Variants in AFDN observed in about 807,000 individuals in gnomAD.
AFDN encodes the protein afadin.
Under a neutral mutation model 216.6 loss-of-function variants are expected in AFDN, and 68 were observed. That is an observed-to-expected ratio of 0.31 (90% confidence interval 0.26 to 0.38). The LOEUF is 0.38. AFDN is among the 10% of genes least tolerant of loss of function. The probability of loss-of-function intolerance (pLI) is 1.00; values close to 1 mark genes in which losing one functional copy is unlikely to be tolerated. For missense variants in AFDN, 2,136 were observed against 2,342.0 expected, an observed-to-expected ratio of 0.91 and a Z score of 1.82; for synonymous variants, 868 against 853.7, an observed-to-expected ratio of 1.02 and a Z score of -0.29.
At chr6:167,848,143 G>A (rs950328211) in intron 1 of AFDN, among the ~76,000 whole-genome samples, 11 of 152,084 alleles carry the variant, frequency 7.2e-5, no homozygotes, top group African/African-American at 2.7e-4. Flanking sequence ...TCCCTAAATG[G>A]CAAGCTTTTT....
intron 1 of AFDN, among the ~76,000 whole-genome samples, chr6:167,856,393 C>T (rs1188600317): frequency 6.6e-6 from 1 of 151,784 alleles, no homozygotes; most frequent in African/African-American, 2.4e-5. Flanking sequence ...GGAACATGTT[C>T]CCTACAGATA....
chr6:167,914,838 A>G lies in AFDN; in HGVS notation c.2299+100A>G, dbSNP rs146144580. 1.3e-3 allele frequency: 1,057 copies of G among 797,820 alleles called. 10 individuals are homozygous for G. The African/African-American group carries it at 0.016, about 12-fold the overall frequency. The allele number at this position is 797,820 out of a possible 1,614,324, so 49.4% of individuals were successfully genotyped here. A position where few individuals can be genotyped will look rare whatever the true frequency, so the allele number is the denominator to read the frequency against. On this transcript the variant is annotated intron_variant, in intron 18 of 33. Coordinates refer to ENST00000683244, the MANE Select transcript of AFDN (RefSeq NM_001386888.1). ...GTAAGTGGAGGTGTTTTTAAAATAA[A>G]TGGGATGTCCTTTTGGGTTTGGCAA...
At chr6:167,844,036 TC>T (rs1781357970) in intron 1 of AFDN, among the ~76,000 whole-genome samples, 2 of 152,152 alleles carry the variant, frequency 1.3e-5, no homozygotes, top group African/African-American at 2.4e-5. Flanking sequence ...AAAATTTAGT[TC>T]GTGTTTTTTG....
At chr6:167,832,050 G>GT (rs1172167835) in intron 1 of AFDN, among the ~76,000 whole-genome samples, 2 of 152,302 alleles carry the variant, frequency 1.3e-5, no homozygotes, top group Non-Finnish European at 2.9e-5. Context: ...GATTTCTGCT[G>GT]TTGTTCAAAT....
chr6:167,881,541 G>C (rs1786111013), intron 6 of AFDN, among the ~76,000 whole-genome samples: 1 of 152,168 alleles, frequency 6.6e-6, no homozygotes, highest in South Asian at 2.1e-4. Flanking sequence ...CCCAGCCCCA[G>C]GAAGACTCAG....
At chr6:167,888,284 G>T (rs979595437) in intron 6 of AFDN, among the ~76,000 whole-genome samples, 5 of 152,234 alleles carry the variant, frequency 3.3e-5, no homozygotes, top group African/African-American at 1.2e-4. Context: ...AGAAATTACA[G>T]GGTTCTGTAG....
At chr6:167,931,877 G>A (rs867377926) in intron 23 of AFDN, among the ~76,000 whole-genome samples, 9 of 152,152 alleles carry the variant, frequency 5.9e-5, no homozygotes, top group Non-Finnish European at 1.3e-4. Context: ...TTTCAGTCAC[G>A]CTGCTGCTGT....
chr6:167,910,960 A>G, intron 13 of AFDN, 141 bp from the exon 14 acceptor site: 2 of 704,964 alleles, frequency 2.8e-6, no homozygotes, highest in South Asian at 3.8e-5. Flanking sequence ...CTACATCTGA[A>G]AACAAGGGAT....
intron 1 of AFDN, among the ~76,000 whole-genome samples, chr6:167,851,787 T>C (rs1233915782): frequency 6.6e-6 from 1 of 152,236 alleles, no homozygotes; most frequent in African/African-American, 2.4e-5. Flanking sequence ...TGTTGCTTGT[T>C]GAGTGTAAGC....
At chr6:167,832,952 C>T (rs939550472) in intron 1 of AFDN, among the ~76,000 whole-genome samples, 1 of 152,138 alleles carries the variant, frequency 6.6e-6, no homozygotes, top group African/African-American at 2.4e-5. Context: ...TACAAGTGGG[C>T]ACTATTAATA....
chr6:167,847,933 A>G (rs1414723848), intron 1 of AFDN, among the ~76,000 whole-genome samples: 3 of 151,862 alleles, frequency 2.0e-5, no homozygotes. Flanking sequence ...TCACTTTCTC[A>G]TTCTGCTATA....
In AFDN at chr6:167,952,021, G is replaced by A. The variant is rs767134358; in HGVS notation, c.4667G>A (p.Arg1556His). Residue 1556 changes from arginine to histidine, a missense_variant, in exon 30 of 34, where the codon CGC becomes CAC. Arg to His is a conservative substitution (Grantham distance 29, BLOSUM62 0). Around this residue, in one of 8 missense-constraint regions of AFDN, gnomAD observed 981 missense variants for 966.0 expected, o/e 1.02. Coordinates refer to ENST00000683244, the MANE Select transcript of AFDN (RefSeq NM_001386888.1). ...EIQELQSKPD[R>H]SAEESDRLRK... The stretch of plus-strand genomic sequence containing the variant: ...CAGGAGCTCCAGAGCAAACCGGACC[G>A]CAGCGCCGAGGAGAGCGACCGGCTG... 3.1e-6 allele frequency: 5 copies of A among 1,614,170 alleles called. No homozygotes were observed. The highest frequency in any genetic ancestry group is 1.7e-5 in the Admixed American group (1 of 60,020).
intron 1 of AFDN, among the ~76,000 whole-genome samples, chr6:167,830,075 A>G (rs1223359114): frequency 6.6e-6 from 1 of 152,224 alleles, no homozygotes; most frequent in Non-Finnish European, 1.5e-5. Context: ...AGCTGACTTA[A>G]TGTCTTGATT....
chr6:167,934,529 CAG>C (rs755815276), intron 23 of AFDN, among the ~76,000 whole-genome samples: 4 of 152,188 alleles, frequency 2.6e-5, no homozygotes, highest in Non-Finnish European at 5.9e-5. Context: ...AGCGAGCGGG[CAG>C]AGTGTCAACA....
chr6:167,971,701 A>G lies in AFDN; in HGVS notation c.*1766A>G, dbSNP rs888811344. On this transcript the variant is annotated 3_prime_UTR_variant, in exon 34 of 34. Coordinates refer to ENST00000683244, the MANE Select transcript of AFDN (RefSeq NM_001386888.1). ...GGAGAACATGCAGATACATGTAAAT[A>G]TCTACATACAGGGATATTTGTATGT... 2.5e-5 allele frequency: 5 copies of G among 200,440 alleles called. No homozygotes were observed. The highest frequency in any genetic ancestry group is 1.9e-4 in the South Asian group (1 of 5,222). The allele number at this position is 200,440 out of a possible 1,614,324, so 12.4% of individuals were successfully genotyped here.
chr6:167,891,282 T>G (rs1787539362), intron 8 of AFDN, among the ~76,000 whole-genome samples: 1 of 152,134 alleles, frequency 6.6e-6, no homozygotes, highest in Non-Finnish European at 1.5e-5. Context: ...CCAAATTTAG[T>G]GTATGGACAA....
In AFDN at chr6:167,921,812, A is replaced by T. The variant is rs561184168; in HGVS notation, c.2909-1044A>T. On this transcript the variant is annotated intron_variant, in intron 21 of 33. Transcript: ENST00000683244. ...TTGAAATAGTGATTTAAAAAATAAA[A>T]AAAAAAACTAAGTAAAATTACTTTG... Among the ~76,000 whole-genome samples the T allele has an allele frequency of 2.6e-5, 4 of 152,294 alleles. No homozygotes were observed. In the East Asian group the frequency reaches 7.7e-4, roughly 29 times the overall value.
chr6:167,845,539 AG>A (rs1174904085), intron 1 of AFDN, among the ~76,000 whole-genome samples: 1 of 152,050 alleles, frequency 6.6e-6, no homozygotes, highest in Admixed American at 6.6e-5. Context: ...CTGGGATTAC[AG>A]GCAGATGGTA....
intron 12 of AFDN, 33 bp from the exon 13 acceptor site, chr6:167,907,138 G>A: frequency 6.4e-7 from 1 of 1,568,356 alleles, no homozygotes; most frequent in Non-Finnish European, 8.8e-7. Context: ...TCTGTGTGAG[G>A]TTCTAAACCC....
Sources: gnomAD v4.1 joint callset for allele counts (sites outside exome capture counted in the v4.1 genomes callset) on GRCh38, gnomAD v4.1.1 for gene constraint, gnomAD v4.1.1 regional missense constraint, MANE v1.5 for transcripts, NCBI Gene and HGNC (gene_info 2026-07-23, HGNC 2026-07-21) for gene names.